Variants in UTS2B observed in about 807,000 individuals in gnomAD.
The protein encoded by UTS2B is urotensin-2B.
Under a neutral mutation model 19.2 loss-of-function variants are expected in UTS2B, and 21 were observed. The observed-to-expected ratio is 1.09, with a 90% CI of 0.78 to 1.58. The LOEUF (loss-of-function observed/expected upper bound fraction) is 1.58, where lower values mean the gene tolerates loss of function less well. Among genes scored for constraint, UTS2B ranks in the 40% most tolerant of loss-of-function variants. The pLI, the probability that UTS2B is intolerant of heterozygous loss-of-function variation, is 0.00. For synonymous variants in UTS2B, 57 were observed against 50.2 expected, an observed-to-expected ratio of 1.14 and a Z score of -0.58; for missense variants, 138 against 130.3, an observed-to-expected ratio of 1.06 and a Z score of -0.29.
At chr3:191,329,534 C>G (rs1309737487) in intron 1 of UTS2B, 12 of 751,090 alleles carry the variant, frequency 1.6e-5, no homozygotes, top group Non-Finnish European at 2.2e-5. Flanking sequence ...CCCGCCCGAC[C>G]CGCTCCGTTC....
chr3:191,329,948 G>GA (rs1166285974), intron 1 of UTS2B, among the ~76,000 whole-genome samples: 1 of 143,486 alleles, frequency 7.0e-6, no homozygotes, highest in Admixed American at 7.0e-5. Flanking sequence ...TGGTTGGGGG[G>GA]GGGGGGGGCT....
chr3:191,286,459 T>C (rs1174154896), intron 4 of UTS2B, among the ~76,000 whole-genome samples: 2 of 152,022 alleles, frequency 1.3e-5, no homozygotes, highest in African/African-American at 2.4e-5. Context: ...AAATCAATAA[T>C]AAGGAATTTC....
chr3:191,302,223 C>T (rs993761623), intron 4 of UTS2B, among the ~76,000 whole-genome samples: 5 of 152,182 alleles, frequency 3.3e-5, no homozygotes, highest in African/African-American at 9.7e-5. Flanking sequence ...AAGACACTCC[C>T]GCCAGCATCA....
intron 4 of UTS2B, among the ~76,000 whole-genome samples, chr3:191,293,301 T>C (rs1716767928): frequency 6.6e-6 from 1 of 152,200 alleles, no homozygotes; most frequent in Admixed American, 6.5e-5. Flanking sequence ...TTTTAAGTTT[T>C]TGAAGAGTTT....
At chr3:191,324,082 C>T (rs1717678111) in intron 2 of UTS2B, among the ~76,000 whole-genome samples, 1 of 152,194 alleles carries the variant, frequency 6.6e-6, no homozygotes, top group African/African-American at 2.4e-5. Context: ...CTTATGAATG[C>T]ATTAATCCAT....
rs78290308 is a variant in UTS2B at position 191,310,814 on chromosome 3, G to T, written c.-182+5222C>A. Among the ~76,000 whole-genome samples, 891 of 152,282 alleles carry T rather than the reference G, an allele frequency of 5.9e-3. 10 individuals carry two copies. Among genetic ancestry groups the T allele is most frequent in the African/African-American group, 0.021 (864 of 41,556 alleles). Reference sequence around the variant, plus strand: ...TCTTTTTTACAGAGATTGAACAGATGAATTGATCAAAAAAGTGCTGCTAAC... The same window carrying T: ...TCTTTTTTACAGAGATTGAACAGATTAATTGATCAAAAAAGTGCTGCTAAC... On this transcript the variant is annotated intron_variant, in intron 3 of 8. Coordinates refer to ENST00000340524, the MANE Select transcript of UTS2B (RefSeq NM_198152.5).
At chr3:191,321,718 A>G (rs1034194220) in intron 2 of UTS2B, among the ~76,000 whole-genome samples, 1 of 152,184 alleles carries the variant, frequency 6.6e-6, no homozygotes, top group African/African-American at 2.4e-5. Context: ...ATGTGTATAT[A>G]TGATATATAA....
At chr3:191,278,510 A>G (rs966634144) in intron 5 of UTS2B, among the ~76,000 whole-genome samples, 7 of 152,072 alleles carry the variant, frequency 4.6e-5, no homozygotes, top group African/African-American at 1.7e-4. Flanking sequence ...ATTTAAAATA[A>G]GTATAAACTA....
chr3:191,275,903 A>G (rs920284771), intron 7 of UTS2B, among the ~76,000 whole-genome samples: 4 of 152,208 alleles, frequency 2.6e-5, no homozygotes, highest in Non-Finnish European at 5.9e-5. Context: ...ACAAAAGATC[A>G]GAAAGAAACA....
intron 4 of UTS2B, among the ~76,000 whole-genome samples, chr3:191,302,588 T>G (rs1717032842): frequency 6.6e-6 from 1 of 152,204 alleles, no homozygotes; most frequent in Admixed American, 6.5e-5. Context: ...CCTGTATAAT[T>G]TATACCTCCT....
intron 3 of UTS2B, among the ~76,000 whole-genome samples, chr3:191,309,729 A>G (rs1364778532): frequency 6.6e-6 from 1 of 152,014 alleles, no homozygotes; most frequent in African/African-American, 2.4e-5. Context: ...AGATCTGGTA[A>G]TACGAAAGCA....
chr3:191,294,987 C>T (rs111410556), intron 4 of UTS2B, among the ~76,000 whole-genome samples: 4,724 of 151,824 alleles, frequency 0.031, 166 homozygotes, highest in East Asian at 0.14. Flanking sequence ...GCTGAGATCG[C>T]GCCACTGCAC....
chr3:191,301,546 G>A (rs554798528), intron 4 of UTS2B, among the ~76,000 whole-genome samples: 2 of 142,590 alleles, frequency 1.4e-5, no homozygotes, highest in South Asian at 4.4e-4. Context: ...GAGTGCAGTG[G>A]TGTGATCTCG....
chr3:191,270,157 G>C (rs1191347207), intron 8 of UTS2B, among the ~76,000 whole-genome samples: 2 of 152,172 alleles, frequency 1.3e-5, no homozygotes, highest in Non-Finnish European at 2.9e-5. Context: ...CTCATATATT[G>C]TTATTCACAG....
chr3:191,284,994 A>G (rs1716495442), intron 4 of UTS2B, among the ~76,000 whole-genome samples: 1 of 152,188 alleles, frequency 6.6e-6, no homozygotes, highest in African/African-American at 2.4e-5. Context: ...GAAAGCATGA[A>G]TGTATAAAAC....
chr3:191,296,979 T>C (rs1436344530), intron 4 of UTS2B, among the ~76,000 whole-genome samples: 3 of 152,208 alleles, frequency 2.0e-5, no homozygotes, highest in Non-Finnish European at 1.5e-5. Context: ...AATGCATTCA[T>C]AGAACAGGCA....
At chr3:191,311,994 G>GAA (rs36028894) in intron 3 of UTS2B, among the ~76,000 whole-genome samples, 1 of 150,980 alleles carries the variant, frequency 6.6e-6, no homozygotes, top group Non-Finnish European at 1.5e-5. Context: ...CAAAAAAAAA[G>GAA]AAAAAAAATT....
the UTS2B span, among the ~76,000 whole-genome samples, chr3:191,337,072 TTGTC>T: frequency 0.09 from 13,740 of 152,220 alleles, 658 homozygotes; most frequent in East Asian, 0.24. Flanking sequence ...CATATTGTCT[TTGTC>T]TGCTTACATA....
At chr3:191,300,037 T>A (rs1209778054) in intron 4 of UTS2B, among the ~76,000 whole-genome samples, 4 of 151,592 alleles carry the variant, frequency 2.6e-5, no homozygotes, top group East Asian at 1.9e-4. Flanking sequence ...ACATTTTTTT[T>A]TATATATACA....
Sources: gnomAD v4.1 joint callset for allele counts (sites outside exome capture counted in the v4.1 genomes callset) on GRCh38, gnomAD v4.1.1 for gene constraint, MANE v1.5 for transcripts, NCBI Gene and HGNC (gene_info 2026-07-23, HGNC 2026-07-21) for gene names.